The following FRY variants were observed in gnomAD, a reference collection of about 807,000 sequenced individuals.
FRY encodes the protein FRY microtubule binding protein.
Under a neutral mutation model 348.4 loss-of-function variants are expected in FRY, and 128 were observed. That is an observed-to-expected ratio of 0.37 (90% CI 0.32 to 0.43). FRY has a LOEUF of 0.43. Ranked by LOEUF, FRY falls within the 20% of genes least tolerant of loss-of-function variation. FRY has a pLI of 1.00. For missense variants in FRY, 2,736 were observed against 3,695.2 expected, an observed-to-expected ratio of 0.74 and a Z score of 6.73; for synonymous variants, 1,370 against 1,374.7, an observed-to-expected ratio of 1.00 and a Z score of 0.08.
intron 31 of FRY, among the ~76,000 whole-genome samples, chr13:32,204,899 C>T (rs1257167682): frequency 6.6e-6 from 1 of 152,136 alleles, no homozygotes; most frequent in Non-Finnish European, 1.5e-5. Flanking sequence ...CATAGTCTAG[C>T]AGAAAAGATA....
intron 51 of FRY, among the ~76,000 whole-genome samples, chr13:32,260,782 T>A (rs1254101553): frequency 6.6e-6 from 1 of 151,190 alleles, no homozygotes; most frequent in African/African-American, 2.4e-5. Flanking sequence ...ATCGCGCCAC[T>A]GCACCACTCC....
chr13:32,292,264 T>G (rs1027710050), intron 59 of FRY, among the ~76,000 whole-genome samples: 1 of 151,718 alleles, frequency 6.6e-6, no homozygotes, highest in Admixed American at 6.6e-5. Flanking sequence ...ATTACAGGCA[T>G]GAACCACCAC....
intron 11 of FRY, among the ~76,000 whole-genome samples, chr13:32,137,204 A>C (rs7998540): frequency 2.3e-3 from 343 of 152,354 alleles, no homozygotes; most frequent in South Asian, 5.0e-3. Context: ...CTGTTCTAAC[A>C]AGGATCACTT....
intron 1 of FRY, among the ~76,000 whole-genome samples, chr13:32,037,421 G>C (rs752298620): frequency 1.6e-4 from 25 of 152,174 alleles, no homozygotes; most frequent in Non-Finnish European, 3.7e-4. Context: ...TGAGATCAGG[G>C]AGAATATTTC....
At chr13:32,125,331 G>C (rs1368995609) in intron 7 of FRY, among the ~76,000 whole-genome samples, 1 of 152,180 alleles carries the variant, frequency 6.6e-6, no homozygotes, top group East Asian at 1.9e-4. Flanking sequence ...AAACAAGTCA[G>C]GGGGGAAATT....
chr13:32,216,705 ACTT>A (rs1342686935), intron 35 of FRY, among the ~76,000 whole-genome samples: 5 of 152,210 alleles, frequency 3.3e-5, no homozygotes, highest in African/African-American at 1.2e-4. Context: ...TGATTAAAGA[ACTT>A]CTTCAGAAGG....
At chr13:32,208,022 A>G (rs907852996) in intron 31 of FRY, among the ~76,000 whole-genome samples, 4 of 152,244 alleles carry the variant, frequency 2.6e-5, no homozygotes, top group Non-Finnish European at 5.9e-5. Context: ...TATTTGGATT[A>G]TAAAATTAAA....
intron 53 of FRY, among the ~76,000 whole-genome samples, chr13:32,265,140 T>G (rs1165504488): frequency 6.6e-6 from 1 of 152,194 alleles, no homozygotes; most frequent in Non-Finnish European, 1.5e-5. Context: ...GAGGTTGGAT[T>G]GGAGGTCTTG....
At chr13:32,135,711 C>T (rs1440789766) in intron 10 of FRY, among the ~76,000 whole-genome samples, 1 of 152,182 alleles carries the variant, frequency 6.6e-6, no homozygotes, top group Non-Finnish European at 1.5e-5. Flanking sequence ...GTTACCACCA[C>T]CTTTTACCCG....
chr13:32,202,290 A>C, intron 30 of FRY, 66 bp from the exon 31 acceptor site: 1 of 1,238,988 alleles, frequency 8.1e-7, no homozygotes, highest in Non-Finnish European at 1.2e-6. Context: ...TGTTAAATAC[A>C]AATGCTCATG....
At chr13:32,216,549 A>G (rs555267259) in intron 35 of FRY, among the ~76,000 whole-genome samples, 8 of 152,352 alleles carry the variant, frequency 5.3e-5, no homozygotes, top group East Asian at 3.9e-4. Context: ...AGCACAGTTC[A>G]TGGTAGCTGG....
At chr13:32,286,463 G>A (rs886700894) in intron 58 of FRY, among the ~76,000 whole-genome samples, 2 of 152,078 alleles carry the variant, frequency 1.3e-5, no homozygotes, top group African/African-American at 4.8e-5. Context: ...AATGGTAGCT[G>A]CTGGCTGGGC....
At chr13:32,091,437 GT>G (rs1366195550) in intron 2 of FRY, among the ~76,000 whole-genome samples, 2 of 152,206 alleles carry the variant, frequency 1.3e-5, no homozygotes, top group East Asian at 3.8e-4. Context: ...CTCTTTAGAT[GT>G]TTTTCCAAAC....
At chr13:32,257,822 G>T in intron 51 of FRY, 1 of 663,924 alleles carries the variant, frequency 1.5e-6, no homozygotes, top group Non-Finnish European at 2.7e-6. Flanking sequence ...TTCTTTTAAG[G>T]TGCACCTACT....
intron 2 of FRY, among the ~76,000 whole-genome samples, chr13:32,097,362 CTT>C (rs34054013): frequency 1.5e-4 from 19 of 126,466 alleles, no homozygotes; most frequent in East Asian, 2.2e-4. Flanking sequence ...CCTTTTTTTC[CTT>C]TTTTTTTTTT....
At position 32,124,866 on chromosome 13, in the gene FRY, C is replaced by T; in HGVS notation, c.707C>T (p.Ala236Val). The change falls in exon 7 of 61, where the codon GCA becomes GTA. Residue 236 changes from alanine (A) to valine (V), a missense_variant. Ala to Val is a moderately conservative substitution (Grantham distance 64). This residue lies in a region of FRY where 309 missense variants were observed against 418.1 expected (regional missense o/e 0.74). Transcript: ENST00000542859. ...DLYAEVIGVL[A>V]QAKFPAVKKK... ...TATGCAGAAGTCATTGGAGTGTTGG[C>T]ACAAGCCAAGTAAGTGAATGCCAGA... The T allele has an allele frequency of 6.2e-7, 1 of 1,609,014 alleles. No homozygotes were observed.
intron 1 of FRY, 50 bp from the exon 2 acceptor site, chr13:32,078,784 T>C (rs1281759686): frequency 7.7e-7 from 1 of 1,300,896 alleles, no homozygotes; most frequent in South Asian, 1.2e-5. Context: ...TCCATCTGAA[T>C]ATTTATGACA....
At chr13:32,244,741 G>A (rs1231919585) in intron 47 of FRY, among the ~76,000 whole-genome samples, 1 of 152,150 alleles carries the variant, frequency 6.6e-6, no homozygotes, top group Non-Finnish European at 1.5e-5. Flanking sequence ...ATAGTACAAA[G>A]GGATTCATTA....
chr13:32,054,853 C>T (rs1047314703), intron 1 of FRY, among the ~76,000 whole-genome samples: 4 of 151,810 alleles, frequency 2.6e-5, no homozygotes, highest in Non-Finnish European at 5.9e-5. Flanking sequence ...CCAGCCTGGG[C>T]GACGGAGCGA....
Sources: gnomAD v4.1 joint callset for allele counts (sites outside exome capture counted in the v4.1 genomes callset) on GRCh38, gnomAD v4.1.1 for gene constraint, gnomAD v4.1.1 regional missense constraint, MANE v1.5 for transcripts, NCBI Gene and HGNC (gene_info 2026-07-23, HGNC 2026-07-21) for gene names.